The following MYO10 variants were observed in gnomAD, a reference collection of about 807,000 sequenced individuals.
The protein encoded by MYO10 is unconventional myosin-X.
In MYO10, 133 loss-of-function variants were observed where a neutral mutation model predicts 257.3. That is an observed-to-expected ratio of 0.52 (90% CI 0.45 to 0.60). The LOEUF is 0.60. Among genes scored for constraint, MYO10 ranks in the 20% least tolerant of loss-of-function variants. The pLI is 0.00. For missense variants in MYO10, 2,399 were observed against 2,635.7 expected (o/e 0.91, Z 1.97); for synonymous variants, 1,104 against 1,028.6 (o/e 1.07, Z -1.40).
chr5:16,718,385 G>A (rs917468745), intron 19 of MYO10, among the ~76,000 whole-genome samples: 3 of 152,264 alleles, frequency 2.0e-5, no homozygotes, highest in Non-Finnish European at 2.9e-5. Flanking sequence ...GCCCTGGTGC[G>A]GGATCCACTA....
chr5:16,916,624 T>A (rs1338609705), intron 1 of MYO10: 1 of 152,434 alleles, frequency 6.6e-6, no homozygotes, highest in Non-Finnish European at 1.5e-5. Flanking sequence ...AGCCTTCCAT[T>A]TATTTTCAGC....
intron 2 of MYO10, among the ~76,000 whole-genome samples, chr5:16,833,217 G>GTTT (rs60623939): frequency 7.0e-6 from 1 of 143,646 alleles, no homozygotes; most frequent in Non-Finnish European, 1.5e-5. Flanking sequence ...TACTAGGTTT[G>GTTT]TTTTTTTTTT....
intron 19 of MYO10, among the ~76,000 whole-genome samples, chr5:16,725,026 A>T (rs538451186): frequency 6.7e-6 from 1 of 150,006 alleles, no homozygotes; most frequent in South Asian, 2.1e-4. Flanking sequence ...ACCTAACAGA[A>T]TCTTAGAGAC....
rs938265031 is a variant in MYO10 at position 16,702,402 on chromosome 5, A to C, written c.2556+141T>G. ...TTTACCCAATTGTAATAGGTCAGAAATTGGATCATAAACACATCCTCTTAA... is the reference window on the plus strand; with the variant it reads ...TTTACCCAATTGTAATAGGTCAGAACTTGGATCATAAACACATCCTCTTAA... On this transcript the variant is annotated intron_variant, in intron 24 of 40. Coordinates refer to ENST00000513610, the MANE Select transcript of MYO10 (RefSeq NM_012334.3). 7.6e-5 allele frequency: 61 copies of C among 798,900 alleles called. No individual in the cohort carries two copies. In the African/African-American group the frequency reaches 9.5e-4, roughly 12 times the overall value. 49.5% of individuals were successfully genotyped at this position (798,900 alleles called of 1,614,324 possible). A position where few individuals can be genotyped will look rare whatever the true frequency, so the allele number is the denominator to read the frequency against.
chr5:16,871,890 T>C (rs577558988), intron 2 of MYO10, among the ~76,000 whole-genome samples: 8 of 152,322 alleles, frequency 5.3e-5, no homozygotes, highest in Admixed American at 1.3e-4. Flanking sequence ...CTAATTATAC[T>C]TGTTATATTT....
intron 1 of MYO10, among the ~76,000 whole-genome samples, chr5:16,927,082 T>C (rs2126805440): frequency 6.6e-6 from 1 of 152,344 alleles, no homozygotes; most frequent in African/African-American, 2.4e-5. Flanking sequence ...GTTTATAACT[T>C]TTAAATGTTT....
At chr5:16,926,004 T>C (rs1315716035) in intron 1 of MYO10, among the ~76,000 whole-genome samples, 1 of 152,192 alleles carries the variant, frequency 6.6e-6, no homozygotes, top group Non-Finnish European at 1.5e-5. Context: ...CATTAACTGA[T>C]TGTACATTTC....
intron 9 of MYO10, among the ~76,000 whole-genome samples, chr5:16,771,311 G>A (rs1229560955): frequency 6.6e-6 from 1 of 151,838 alleles, no homozygotes; most frequent in Non-Finnish European, 1.5e-5. Context: ...GTAGAAAAGA[G>A]ACATTTATAC....
At chr5:16,868,346 T>C (rs557996830) in intron 2 of MYO10, among the ~76,000 whole-genome samples, 2 of 152,200 alleles carry the variant, frequency 1.3e-5, no homozygotes. Context: ...GGCTCATGTC[T>C]GTAATCCCAG....
chr5:16,823,242 C>T (rs915617626), intron 2 of MYO10, among the ~76,000 whole-genome samples: 4 of 149,716 alleles, frequency 2.7e-5, no homozygotes, highest in African/African-American at 4.9e-5. Context: ...GCCAGGAGTT[C>T]AAGACCAGCC....
chr5:16,846,235 C>T (rs1176996416), intron 2 of MYO10, among the ~76,000 whole-genome samples: 1 of 152,180 alleles, frequency 6.6e-6, no homozygotes, highest in Non-Finnish European at 1.5e-5. Flanking sequence ...CTAATTATAA[C>T]ACTACCGTCT....
Position 16,730,567 on chromosome 5 carries a change from G to A in MYO10, c.1930-19322C>T, listed in dbSNP as rs138960982. On this transcript the variant is annotated intron_variant, in intron 19 of 40. Transcript: ENST00000513610. ...AATAACCAGAAGACAAATCAGTATG[G>A]AGCAGAGGTCAACAGGGGCAGCATC... Among the ~76,000 whole-genome samples the A allele has an allele frequency of 6.6e-3, 1,003 of 152,260 alleles. 11 individuals carry two copies. The highest frequency in any genetic ancestry group is 0.022 in the African/African-American group (925 of 41,518).
chr5:16,788,854 T>G (rs2126676119), intron 4 of MYO10, among the ~76,000 whole-genome samples: 1 of 152,276 alleles, frequency 6.6e-6, no homozygotes, highest in South Asian at 2.1e-4. Flanking sequence ...GAGCATCTTT[T>G]GTATTTTTTT....
intron 2 of MYO10, among the ~76,000 whole-genome samples, chr5:16,839,409 G>A (rs1290306604): frequency 6.6e-6 from 1 of 152,148 alleles, no homozygotes; most frequent in Non-Finnish European, 1.5e-5. Context: ...TAGAAGTGGA[G>A]CCTGAAGATG....
rs557914879 is a variant in MYO10, at chr5:16,785,882, A to T, written c.468-2413T>A. Among the ~76,000 whole-genome samples the T allele has an allele frequency of 3.0e-4, 20 of 65,976 alleles. No individual in the cohort carries two copies. In the South Asian group the frequency reaches 3.1e-3, roughly 10 times the overall value. 43.3% of individuals were successfully genotyped at this position (65,976 alleles called of 152,430 possible). ...CAGACTCCATCTCAAAAAAATAATT[A>T]AAAAAAACAAAAAAACAAAAAACCC... On this transcript the variant is annotated intron_variant, in intron 4 of 40. Transcript: ENST00000513610.
chr5:16,854,848 A>G (rs182634133), intron 2 of MYO10, among the ~76,000 whole-genome samples: 2 of 152,176 alleles, frequency 1.3e-5, no homozygotes, highest in African/African-American at 4.8e-5. Context: ...CCTGGCTAAC[A>G]TGGTGAAACT....
At chr5:16,699,149 A>G (rs546995330) in intron 26 of MYO10, among the ~76,000 whole-genome samples, 115 of 152,142 alleles carry the variant, frequency 7.6e-4, no homozygotes, top group Non-Finnish European at 1.5e-3. Context: ...AAGGACTGAT[A>G]CTGGAGGCAG....
intron 2 of MYO10, among the ~76,000 whole-genome samples, chr5:16,860,057 A>C (rs923906137): frequency 6.6e-6 from 1 of 152,258 alleles, no homozygotes; most frequent in Non-Finnish European, 1.5e-5. Context: ...AAGCTGCTTT[A>C]TCAGTGGGAT....
intron 1 of MYO10, among the ~76,000 whole-genome samples, chr5:16,927,403 G>C (rs989846786): frequency 3.3e-5 from 5 of 152,000 alleles, no homozygotes; most frequent in African/African-American, 1.2e-4. Flanking sequence ...CGGCTCACTG[G>C]AAGCTCCGCC....
Sources: gnomAD v4.1 joint callset for allele counts (sites outside exome capture counted in the v4.1 genomes callset) on GRCh38, gnomAD v4.1.1 for gene constraint, MANE v1.5 for transcripts, NCBI Gene and HGNC (gene_info 2026-07-23, HGNC 2026-07-21) for gene names.